The following IL1RAPL2 variants were observed in gnomAD, a reference collection of about 807,000 sequenced individuals.
The protein encoded by IL1RAPL2 is X-linked interleukin-1 receptor accessory protein-like 2.
Under a neutral mutation model 44.1 loss-of-function variants are expected in IL1RAPL2, and 3 were observed. That is an observed-to-expected ratio of 0.07 (90% CI 0.03 to 0.18). IL1RAPL2 has a LOEUF of 0.18. IL1RAPL2 is among the 10% of genes least tolerant of loss of function. The probability of loss-of-function intolerance (pLI) is 1.00; values close to 1 mark genes in which losing one functional copy is unlikely to be tolerated. For missense variants in IL1RAPL2, 391 were observed against 496.4 expected, an observed-to-expected ratio of 0.79 and a Z score of 2.02; for synonymous variants, 181 against 178.8, an observed-to-expected ratio of 1.01 and a Z score of -0.10.
At position 104,727,257 on chromosome X, in the gene IL1RAPL2, G is replaced by A. The variant is rs147646439; in HGVS notation, c.82+68262G>A. Among the ~76,000 whole-genome samples, 637 of 110,213 alleles carry A rather than the reference G, an allele frequency of 5.8e-3. 3 individuals are homozygous for A. Among genetic ancestry groups the A allele is most frequent in the African/African-American group, 0.02 (608 of 30,384 alleles). ...TGTCTCAATAACAACAACAAAAACAGCCCCATTAAAAAGTGGGCAAAGGAT... is the reference window on the plus strand; with the variant it reads ...TGTCTCAATAACAACAACAAAAACAACCCCATTAAAAAGTGGGCAAAGGAT... On this transcript the variant is annotated intron_variant, in intron 2 of 10. Coordinates refer to ENST00000372582, the MANE Select transcript of IL1RAPL2 (RefSeq NM_017416.2).
chrX:104,980,440 AC>A (rs2030415867), intron 2 of IL1RAPL2, among the ~76,000 whole-genome samples: 1 of 111,768 alleles, frequency 8.9e-6, no homozygotes, highest in East Asian at 2.8e-4. Context: ...TCTTTAAGAA[AC>A]CCAGGCTGAT....
intron 2 of IL1RAPL2, among the ~76,000 whole-genome samples, chrX:104,888,418 A>C (rs1923319957): frequency 9.1e-6 from 1 of 109,460 alleles, no homozygotes; most frequent in African/African-American, 3.3e-5. Context: ...AGAAAGAAAG[A>C]CCTTCTTTCT....
chrX:104,868,762 T>C (rs1365132299), intron 2 of IL1RAPL2, among the ~76,000 whole-genome samples: 1 of 112,068 alleles, frequency 8.9e-6, no homozygotes, highest in African/African-American at 3.2e-5. Context: ...CACAAATCAA[T>C]TTTATTTTGC....
intron 6 of IL1RAPL2, among the ~76,000 whole-genome samples, chrX:105,679,254 A>AAAG (rs1013750022): frequency 3.6e-5 from 4 of 111,810 alleles, no homozygotes; most frequent in African/African-American, 1.3e-4. Flanking sequence ...GTTAAATCAT[A>AAAG]AAGTTCCTTA....
chrX:105,629,415 G>A (rs904272947), intron 6 of IL1RAPL2, among the ~76,000 whole-genome samples: 2 of 111,526 alleles, frequency 1.8e-5, no homozygotes, highest in South Asian at 7.6e-4. Context: ...GTGATGTAGA[G>A]ATTTCAAAAA....
intron 6 of IL1RAPL2, among the ~76,000 whole-genome samples, chrX:105,514,597 C>T (rs1179115704): frequency 8.9e-6 from 1 of 112,255 alleles, no homozygotes; most frequent in Non-Finnish European, 1.9e-5. Context: ...TTACAACTCA[C>T]GATACTAAGT....
intron 2 of IL1RAPL2, among the ~76,000 whole-genome samples, chrX:104,841,495 T>C (rs1470112315): frequency 8.9e-6 from 1 of 112,066 alleles, no homozygotes; most frequent in African/African-American, 3.2e-5. Context: ...TTGGTCTTTA[T>C]ATTTTGGTGT....
intron 6 of IL1RAPL2, among the ~76,000 whole-genome samples, chrX:105,555,072 AGTT>A (rs1484001764): frequency 3.9e-5 from 4 of 103,444 alleles, no homozygotes; most frequent in Non-Finnish European, 7.8e-5. Flanking sequence ...GCTCTCTGGT[AGTT>A]GTTTTTTTTT....
chrX:105,201,717 A>C (rs193216570), intron 3 of IL1RAPL2, among the ~76,000 whole-genome samples: 1 of 112,073 alleles, frequency 8.9e-6, no homozygotes, highest in Admixed American at 9.5e-5. Flanking sequence ...TTTCAAGGAC[A>C]GTGAACATAT....
intron 6 of IL1RAPL2, among the ~76,000 whole-genome samples, chrX:105,612,889 T>C (rs2037347222): frequency 9.0e-6 from 1 of 111,570 alleles, no homozygotes; most frequent in Non-Finnish European, 1.9e-5. Flanking sequence ...GCTCTGGGGC[T>C]CTAAATAAGC....
At chrX:105,349,929 C>T (rs1030300828) in intron 5 of IL1RAPL2, among the ~76,000 whole-genome samples, 2 of 112,049 alleles carry the variant, frequency 1.8e-5, no homozygotes, top group African/African-American at 6.5e-5. Flanking sequence ...TACAAATGAA[C>T]TTTCTAAGGT....
rs556419006 is a variant in IL1RAPL2, at chrX:105,760,085, G to GA, written c.1363+4745dup. 7.2e-5 allele frequency among the ~76,000 whole-genome samples: 8 copies of GA among 111,425 alleles called. No homozygotes were observed. In the South Asian group the frequency reaches 3.0e-3, roughly 42 times the overall value. On this transcript the variant is annotated intron_variant, in intron 10 of 10. Coordinates refer to ENST00000372582, the MANE Select transcript of IL1RAPL2 (RefSeq NM_017416.2). ...TCCCCTTCATGTTAAAGTCAAGAGA[G>GA]AAAAAAACTGTACTTCAATATGTCC...
chrX:104,607,892 C>T (rs764380883), intron 1 of IL1RAPL2, among the ~76,000 whole-genome samples: 5 of 111,694 alleles, frequency 4.5e-5, no homozygotes, highest in South Asian at 3.8e-4. Context: ...TACACCCAAA[C>T]GATTATAAAT....
In IL1RAPL2 at chrX:105,096,477, A is replaced by G. The variant is rs768986038; in HGVS notation, c.83-98998A>G. Among the ~76,000 whole-genome samples the G allele has an allele frequency of 5.3e-5, 6 of 112,926 alleles. No homozygotes were observed. The South Asian group carries it at 2.2e-3, about 41-fold the overall frequency. On this transcript the variant is annotated intron_variant, in intron 2 of 10. Transcript: ENST00000372582. ...CCATCAACTTATGAGTGTATAAATA[A>G]AATGTGTTATAACCACACAATGGAG...
chrX:105,056,834 C>T (rs1602926168), intron 2 of IL1RAPL2, among the ~76,000 whole-genome samples: 1 of 111,852 alleles, frequency 8.9e-6, no homozygotes, highest in East Asian at 2.8e-4. Flanking sequence ...GACTATATTA[C>T]TATTAATTAA....
intron 2 of IL1RAPL2, among the ~76,000 whole-genome samples, chrX:105,053,001 G>T (rs1444556912): frequency 9.0e-6 from 1 of 110,529 alleles, no homozygotes; most frequent in Non-Finnish European, 1.9e-5. Flanking sequence ...GTGTAAGTTT[G>T]CTGAGGATGA....
Position 105,443,409 on chromosome X carries a change from A to G in IL1RAPL2, c.698-40904A>G, listed in dbSNP as rs774520649. Among the ~76,000 whole-genome samples, 3 of 111,383 alleles carry G rather than the reference A, an allele frequency of 2.7e-5. No homozygotes were observed. In the South Asian group the frequency reaches 1.1e-3, roughly 42 times the overall value. On this transcript the variant is annotated intron_variant, in intron 5 of 10. Transcript: ENST00000372582. ...GTACAATTAAATTATTATTGACTAT[A>G]GTTTCTGTGTTGTGCTATCAAATAC...
In IL1RAPL2 at chrX:105,507,605, C is replaced by T. The variant is rs140727917; in HGVS notation, c.772+23218C>T. 5.3e-3 allele frequency among the ~76,000 whole-genome samples: 593 copies of T among 111,343 alleles called. 6 individuals carry two copies. Among genetic ancestry groups the T allele is most frequent in the African/African-American group, 0.019 (572 of 30,682 alleles). On this transcript the variant is annotated intron_variant, in intron 6 of 10. Coordinates refer to ENST00000372582, the MANE Select transcript of IL1RAPL2 (RefSeq NM_017416.2). ...TTCATTTTGAGAAGGAATTATACTA[C>T]GTATAGGCAGACTCTAGATCCACCT... is the stretch of plus-strand genomic sequence containing the variant.
Position 104,682,183 on chromosome X carries a change from G to C in IL1RAPL2, c.82+23188G>C, listed in dbSNP as rs774661606. ...ATTTGCACCCATATCTTACTAAGTA[G>C]GTCAGTGTGGTAATATATTTTCTGT... On this transcript the variant is annotated intron_variant, in intron 2 of 10. Coordinates refer to ENST00000372582, the MANE Select transcript of IL1RAPL2 (RefSeq NM_017416.2). Among the ~76,000 whole-genome samples, 10 of 111,736 alleles carry C rather than the reference G, an allele frequency of 8.9e-5. No individual in the cohort carries two copies. In the East Asian group the frequency reaches 2.8e-3, roughly 32 times the overall value.
Sources: gnomAD v4.1 joint callset for allele counts (sites outside exome capture counted in the v4.1 genomes callset) on GRCh38, gnomAD v4.1.1 for gene constraint, MANE v1.5 for transcripts, NCBI Gene and HGNC (gene_info 2026-07-23, HGNC 2026-07-21) for gene names.